Variants in LEPR observed in about 807,000 individuals in gnomAD.
LEPR encodes the protein OB receptor.
LEPR carries 56 observed loss-of-function variants against 114.7 expected under a neutral mutation model. The observed-to-expected ratio is 0.49, with a 90% CI of 0.39 to 0.61. The LOEUF (loss-of-function observed/expected upper bound fraction) is 0.61. LEPR is among the 20% of genes least tolerant of loss of function. LEPR has a pLI of 0.00. For synonymous variants in LEPR, 443 were observed against 461.4 expected, an observed-to-expected ratio of 0.96 and a Z score of 0.51; for missense variants, 1,202 against 1,352.9, an observed-to-expected ratio of 0.89 and a Z score of 1.75.
chr1:65,556,663 A>C (rs767860140), intron 2 of LEPR, among the ~76,000 whole-genome samples: 28 of 152,146 alleles, frequency 1.8e-4, no homozygotes, highest in Non-Finnish European at 3.8e-4. Flanking sequence ...TCTGGATGAT[A>C]GGAGAATGCC....
At chr1:65,591,382 T>C (rs1190771426) in intron 5 of LEPR, among the ~76,000 whole-genome samples, 2 of 152,116 alleles carry the variant, frequency 1.3e-5, no homozygotes, top group Non-Finnish European at 2.9e-5. Context: ...TCTGTCTATT[T>C]GTTATATCAA....
At chr1:65,608,688 C>A in intron 11 of LEPR, 65 bp from the exon 12 acceptor site, 1 of 1,519,702 alleles carries the variant, frequency 6.6e-7, no homozygotes, top group Non-Finnish European at 9.0e-7. Flanking sequence ...AAATATAACA[C>A]AATGTTTTTA....
At chr1:65,421,398 T>C (rs1208845103) in intron 1 of LEPR, 43 of 1,536,120 alleles carry the variant, frequency 2.8e-5, no homozygotes, top group Non-Finnish European at 3.7e-5. Context: ...GCGTCCCTTA[T>C]CTGTATGGCT....
At chr1:65,506,901 C>T (rs1191594124) in intron 2 of LEPR, among the ~76,000 whole-genome samples, 2 of 152,116 alleles carry the variant, frequency 1.3e-5, no homozygotes, top group Non-Finnish European at 2.9e-5. Flanking sequence ...CTAACTGAAA[C>T]TTCGTATCAG....
intron 2 of LEPR, among the ~76,000 whole-genome samples, chr1:65,501,652 G>A (rs1423592297): frequency 2.0e-5 from 3 of 151,928 alleles, no homozygotes; most frequent in Admixed American, 6.6e-5. Flanking sequence ...AAACAGTAGC[G>A]TTCCCATTTC....
intron 2 of LEPR, among the ~76,000 whole-genome samples, chr1:65,554,662 C>T (rs1274737778): frequency 4.6e-5 from 7 of 152,074 alleles, no homozygotes; most frequent in Non-Finnish European, 8.8e-5. Flanking sequence ...GGGTGGTATC[C>T]GCTGAGCTAG....
chr1:65,532,704 A>C (rs1474605860), intron 2 of LEPR, among the ~76,000 whole-genome samples: 1 of 152,220 alleles, frequency 6.6e-6, no homozygotes, highest in African/African-American at 2.4e-5. Context: ...CCTTGAAAAC[A>C]TGATGCTAAC....
chr1:65,456,352 G>T (rs916552390), intron 2 of LEPR, among the ~76,000 whole-genome samples: 1 of 152,072 alleles, frequency 6.6e-6, no homozygotes, highest in Non-Finnish European at 1.5e-5. Context: ...GTGTTGTTGA[G>T]TTCAACTTTG....
chr1:65,442,444 TA>T (rs1358554513), intron 2 of LEPR, among the ~76,000 whole-genome samples: 1 of 152,216 alleles, frequency 6.6e-6, no homozygotes, highest in Non-Finnish European at 1.5e-5. Context: ...ATGTATTGAT[TA>T]ATATCTTTTG....
chr1:65,626,441 C>G (rs1285704609), intron 19 of LEPR: 1 of 401,724 alleles, frequency 2.5e-6, no homozygotes, highest in Non-Finnish European at 3.4e-6. Flanking sequence ...ACAGCTAACC[C>G]ACAAGATGCT....
Position 65,455,131 on chromosome 1 carries a change from C to T in LEPR, c.-21+29753C>T, listed in dbSNP as rs549325599. Among the ~76,000 whole-genome samples, 10 of 152,310 alleles carry T rather than the reference C, an allele frequency of 6.6e-5. No homozygotes were observed. The South Asian group carries it at 2.1e-3, about 32-fold the overall frequency. ...GTTCTCAAGCCTTGGTTTTCAGCTC[C>T]ATCAGCTCCTTTAAGCACTTCTCTG... On this transcript the variant is annotated intron_variant, in intron 2 of 19. Coordinates refer to ENST00000349533, the MANE Select transcript of LEPR (RefSeq NM_002303.6).
rs570456840 is a variant in LEPR, at chr1:65,508,538, G to A, written c.-20-57008G>A. Among the ~76,000 whole-genome samples the A allele has an allele frequency of 1.8e-4, 27 of 152,038 alleles. No homozygotes were observed. The East Asian group carries it at 5.0e-3, about 28-fold the overall frequency. On this transcript the variant is annotated intron_variant, in intron 2 of 19. Transcript: ENST00000349533. ...CCTGAGCTCTCTGTGCTATTCTGTT[G>A]GTCTATGTGTCTGTTTTTATGCCAG...
intron 2 of LEPR, among the ~76,000 whole-genome samples, chr1:65,425,754 T>C (rs560954263): frequency 6.6e-6 from 1 of 152,290 alleles, no homozygotes; most frequent in African/African-American, 2.4e-5. Flanking sequence ...TCGGATAAAG[T>C]GCACCTGAGT....
At position 65,608,989 on chromosome 1, in the gene LEPR, G is replaced by T; in HGVS notation, c.1752+88G>T. On this transcript the variant is annotated intron_variant, in intron 12 of 19. Transcript: ENST00000349533. ...TTAATTGCATTAGATTAATTTTATT[G>T]GCATAAAAGTACATTCTCCTGTATT... 4.6e-6 allele frequency: 7 copies of T among 1,522,472 alleles called. No homozygotes were observed. The South Asian group carries it at 5.8e-5, about 13-fold the overall frequency. 94.3% of individuals were successfully genotyped at this position (1,522,472 alleles called of 1,614,324 possible). A position where few individuals can be genotyped will look rare whatever the true frequency, so the allele number is the denominator to read the frequency against.
chr1:65,455,333 C>T (rs1256371963), intron 2 of LEPR, among the ~76,000 whole-genome samples: 2 of 152,226 alleles, frequency 1.3e-5, no homozygotes, highest in African/African-American at 4.8e-5. Context: ...TGAAGAACTG[C>T]ATTCCTTTGG....
chr1:65,458,043 G>A (rs1253963619), intron 2 of LEPR, among the ~76,000 whole-genome samples: 3 of 152,196 alleles, frequency 2.0e-5, no homozygotes, highest in Admixed American at 2.0e-4. Context: ...AATTTGAAAT[G>A]TGCCAACAAT....
chr1:65,454,861 G>A (rs375587984), intron 2 of LEPR, among the ~76,000 whole-genome samples: 2,546 of 152,220 alleles, frequency 0.017, 55 homozygotes, highest in South Asian at 0.091. Context: ...TCTCCTGGAT[G>A]ATATCCTGCA....
Position 65,451,128 on chromosome 1 carries a change from G to T in LEPR, c.-21+25750G>T, listed in dbSNP as rs1351303299. Among the ~76,000 whole-genome samples the T allele has an allele frequency of 2.6e-5, 4 of 152,126 alleles. No individual in the cohort carries two copies. The East Asian group carries it at 7.7e-4, about 29-fold the overall frequency. On this transcript the variant is annotated intron_variant, in intron 2 of 19. Transcript: ENST00000349533. ...TGCCCACTTTTTGATGGGGTTGTTT[G>T]TTTTTTTCTTGTAAATTACTTTGAG... is the stretch of plus-strand genomic sequence containing the variant.
At chr1:65,632,849 T>C (rs1658578860) in intron 19 of LEPR, among the ~76,000 whole-genome samples, 1 of 152,124 alleles carries the variant, frequency 6.6e-6, no homozygotes, top group Non-Finnish European at 1.5e-5. Flanking sequence ...CCTCTTTAAA[T>C]TTTTCCAGCT....
Sources: gnomAD v4.1 joint callset for allele counts (sites outside exome capture counted in the v4.1 genomes callset) on GRCh38, gnomAD v4.1.1 for gene constraint, MANE v1.5 for transcripts, NCBI Gene and HGNC (gene_info 2026-07-23, HGNC 2026-07-21) for gene names.